DNAI4: variants seen among roughly 807,000 people sequenced by gnomAD.
DNAI4 encodes WD repeat domain 78.
In DNAI4, 85 loss-of-function variants were observed where a neutral mutation model predicts 105.8. The observed-to-expected ratio is 0.80, with a 90% CI of 0.67 to 0.96. DNAI4 has a LOEUF of 0.96. Ranked by LOEUF, DNAI4 falls within the 40% of genes least tolerant of loss-of-function variation. The probability of loss-of-function intolerance (pLI) is 0.00; values close to 1 mark genes in which losing one functional copy is unlikely to be tolerated. For missense variants in DNAI4, 1,014 were observed against 1,005.6 expected, an observed-to-expected ratio of 1.01 and a Z score of -0.11; for synonymous variants, 352 against 331.5, an observed-to-expected ratio of 1.06 and a Z score of -0.67.
intron 4 of DNAI4, among the ~76,000 whole-genome samples, chr1:66,876,686 T>C (rs980848913): frequency 6.6e-6 from 1 of 152,212 alleles, no homozygotes; most frequent in Admixed American, 6.5e-5. Context: ...GCCTATTTCA[T>C]GGGTCAGATC....
At chr1:66,872,170 A>G (rs1323996636) in intron 5 of DNAI4, among the ~76,000 whole-genome samples, 2 of 151,994 alleles carry the variant, frequency 1.3e-5, no homozygotes, top group Non-Finnish European at 2.9e-5. Context: ...ATATGTATCA[A>G]GTTTCCAATT....
chr1:66,895,488 T>TA (rs545907581), intron 2 of DNAI4, among the ~76,000 whole-genome samples: 42 of 152,056 alleles, frequency 2.8e-4, no homozygotes, highest in African/African-American at 8.0e-4. Flanking sequence ...TTTTTTCAAA[T>TA]AAAAAAAATC....
chr1:66,920,747 C>G (rs1650425954), intron 1 of DNAI4, among the ~76,000 whole-genome samples: 2 of 152,150 alleles, frequency 1.3e-5, no homozygotes, highest in South Asian at 4.1e-4. Flanking sequence ...TACAGGGCTC[C>G]TGTATAATAA....
In DNAI4 at chr1:66,826,846, C is replaced by T. The variant is rs755796351; in HGVS notation, c.2313G>A (p.Val771=). The change falls in exon 15 of 17, where the codon GTG becomes GTA. Residue 771 remains valine (V), a synonymous_variant. Transcript: ENST00000371026. ...TGCTGATATGAAGGTCCCAAATCTC[C>T]ACCCTGTTCTCATTTGCAGCTGCAA... The part of the protein sequence containing the change: ...YIFAAANENR[V]EIWDLHISTL... 33 of 1,613,934 alleles carry T rather than the reference C, an allele frequency of 2.0e-5. No individual in the cohort carries two copies. Among genetic ancestry groups the T allele is most frequent in the Non-Finnish European group, 2.5e-5 (29 of 1,179,996 alleles).
intron 8 of DNAI4, among the ~76,000 whole-genome samples, chr1:66,842,869 CATT>C (rs1437195067): frequency 1.3e-5 from 2 of 151,932 alleles, no homozygotes; most frequent in African/African-American, 4.8e-5. Context: ...AGTGCTACCT[CATT>C]GTTGTTTTAA....
chr1:66,825,834 A>G (rs1425144846), intron 15 of DNAI4, among the ~76,000 whole-genome samples: 2 of 152,170 alleles, frequency 1.3e-5, no homozygotes, highest in East Asian at 3.8e-4. Flanking sequence ...CTAGCAAAAA[A>G]TTTTCTCATA....
chr1:66,833,272 T>C (rs1288429272), intron 13 of DNAI4, among the ~76,000 whole-genome samples: 1 of 152,150 alleles, frequency 6.6e-6, no homozygotes, highest in African/African-American at 2.4e-5. Context: ...ACATGTCAAG[T>C]ATATAATCCA....
At chr1:66,867,104 A>G (rs567835321) in intron 6 of DNAI4, among the ~76,000 whole-genome samples, 4 of 152,204 alleles carry the variant, frequency 2.6e-5, no homozygotes, top group Admixed American at 6.5e-5. Context: ...AACATGTAGG[A>G]ATTATGGGGA....
Position 66,891,061 on chromosome 1 carries a change from CCA to C in DNAI4, c.643+91_643+92del, listed in dbSNP as rs750219658. ...ACAAGCCAGCATTTGGAAATCATTA[CCA>C]TATTTCTTTTATCTCAAGTATCCAA... On this transcript the variant is annotated intron_variant, in intron 4 of 16. Transcript: ENST00000371026. 4.0e-6 allele frequency: 4 copies of C among 989,294 alleles called. No individual in the cohort carries two copies. In the African/African-American group the frequency reaches 6.4e-5, roughly 16 times the overall value. 61.3% of individuals were successfully genotyped at this position (989,294 alleles called of 1,614,324 possible). A position where few individuals can be genotyped will look rare whatever the true frequency, so the allele number is the denominator to read the frequency against.
chr1:66,863,754 G>A (rs1314792881), intron 6 of DNAI4, among the ~76,000 whole-genome samples: 1 of 152,026 alleles, frequency 6.6e-6, no homozygotes, highest in Non-Finnish European at 1.5e-5. Context: ...CACCATGCCT[G>A]GCCTCAATGG....
intron 1 of DNAI4, among the ~76,000 whole-genome samples, chr1:66,911,659 G>A (rs1300997299): frequency 6.6e-6 from 1 of 152,182 alleles, no homozygotes; most frequent in South Asian, 2.1e-4. Context: ...CAATATCACA[G>A]TACATAATAC....
intron 16 of DNAI4, among the ~76,000 whole-genome samples, chr1:66,816,419 T>G (rs910894974): frequency 6.6e-6 from 1 of 152,106 alleles, no homozygotes; most frequent in Non-Finnish European, 1.5e-5. Flanking sequence ...GTCATAATGT[T>G]ACTTGACAAG....
intron 6 of DNAI4, 44 bp downstream of exon 6, chr1:66,871,326 A>G (rs965070683): frequency 5.2e-6 from 8 of 1,540,406 alleles, no homozygotes; most frequent in Non-Finnish European, 7.0e-6. Flanking sequence ...CAAAAAATGT[A>G]TATTAGAACA....
chr1:66,866,602 C>T (rs994451599), intron 6 of DNAI4, among the ~76,000 whole-genome samples: 5 of 152,046 alleles, frequency 3.3e-5, no homozygotes, highest in Admixed American at 1.3e-4. Flanking sequence ...TTGTCTTCTT[C>T]TTTTTTGTTT....
chr1:66,853,241 A>G (rs893389978), intron 7 of DNAI4, among the ~76,000 whole-genome samples: 1 of 152,270 alleles, frequency 6.6e-6, no homozygotes, highest in Admixed American at 6.5e-5. Context: ...GAGAGAAGAC[A>G]TGCAGAACTA....
chr1:66,887,184 A>G (rs1647234934), intron 4 of DNAI4, among the ~76,000 whole-genome samples: 1 of 152,194 alleles, frequency 6.6e-6, no homozygotes, highest in Non-Finnish European at 1.5e-5. Context: ...TTATACTAGT[A>G]AAATACTCAG....
At position 66,890,948 on chromosome 1, in the gene DNAI4, T is replaced by C; in HGVS notation, c.643+206A>G. On this transcript the variant is annotated intron_variant, in intron 4 of 16. Coordinates refer to ENST00000371026, the MANE Select transcript of DNAI4 (RefSeq NM_024763.5). This position sits in a 1 kb window ranked among gnomAD's most constrained non-coding sequence, Gnocchi z 4.1. ...AGCTGAGCTCTAACACAAAGCGCCATTGGTTCCTCAGGCTGATGATTCAAA... is the reference window on the plus strand; with the variant it reads ...AGCTGAGCTCTAACACAAAGCGCCACTGGTTCCTCAGGCTGATGATTCAAA... 3.5e-6 allele frequency: 2 copies of C among 575,828 alleles called. No homozygotes were observed. The highest frequency in any genetic ancestry group is 3.1e-5 in the East Asian group (1 of 32,182). 35.7% of individuals were successfully genotyped at this position (575,828 alleles called of 1,614,324 possible). A position where few individuals can be genotyped will look rare whatever the true frequency, so the allele number is the denominator to read the frequency against.
At chr1:66,917,419 T>C (rs1186334431) in intron 1 of DNAI4, among the ~76,000 whole-genome samples, 1 of 152,188 alleles carries the variant, frequency 6.6e-6, no homozygotes, top group Non-Finnish European at 1.5e-5. Context: ...TGTTCTTAAA[T>C]GCAAGTTTCT....
intron 2 of DNAI4, among the ~76,000 whole-genome samples, chr1:66,900,483 T>A (rs1309110939): frequency 6.6e-6 from 1 of 152,174 alleles, no homozygotes; most frequent in African/African-American, 2.4e-5. Flanking sequence ...AGTTTACAGA[T>A]CAGTTTGGGG....
Sources: allele counts gnomAD v4.1 joint callset (sites outside exome capture counted in the v4.1 genomes callset), GRCh38; gene constraint gnomAD v4.1.1; non-coding constraint Gnocchi (gnomAD v3.1); transcripts MANE v1.5; gene names NCBI Gene and HGNC (gene_info 2026-07-23, HGNC 2026-07-21).